SNAP91: variants seen among roughly 807,000 people sequenced by gnomAD.
SNAP91 encodes the protein clathrin coat assembly protein AP180.
A neutral mutation model predicts 100.3 loss-of-function variants in SNAP91; 27 were observed. The ratio of observed to expected loss-of-function variants is 0.27; its 90% CI spans 0.20 to 0.37. The LOEUF (loss-of-function observed/expected upper bound fraction) is 0.37, where lower values mean the gene tolerates loss of function less well. Among genes scored for constraint, SNAP91 ranks in the 10% least tolerant of loss-of-function variants. The probability of loss-of-function intolerance (pLI) is 1.00; values close to 1 mark genes in which losing one functional copy is unlikely to be tolerated. For synonymous variants in SNAP91, 404 were observed against 398.6 expected (o/e 1.01, Z -0.16); for missense variants, 986 against 1,123.7 (o/e 0.88, Z 1.75).
At chr6:83,605,091 A>AT (rs1445261064) in intron 14 of SNAP91, among the ~76,000 whole-genome samples, 15 of 152,146 alleles carry the variant, frequency 9.9e-5, no homozygotes, top group South Asian at 4.2e-4. Context: ...TAAAAGGCTG[A>AT]TTTTTTTCCT....
intron 26 of SNAP91, among the ~76,000 whole-genome samples, chr6:83,571,614 C>T (rs1807939861): frequency 6.6e-6 from 1 of 152,162 alleles, no homozygotes; most frequent in South Asian, 2.1e-4. Context: ...AACTAACTTG[C>T]TTTTGATTTT....
At chr6:83,697,670 G>A (rs935732276) in intron 2 of SNAP91, among the ~76,000 whole-genome samples, 3 of 152,084 alleles carry the variant, frequency 2.0e-5, no homozygotes, top group African/African-American at 7.2e-5. Context: ...TTATTTGTTT[G>A]TATTCCTCCA....
chr6:83,654,471 C>G (rs1427347749), intron 7 of SNAP91, among the ~76,000 whole-genome samples: 1 of 152,180 alleles, frequency 6.6e-6, no homozygotes, highest in Non-Finnish European at 1.5e-5. Flanking sequence ...AGGACACTGA[C>G]TCTAAGCTCA....
chr6:83,555,870 T>C (rs955726697), intron 29 of SNAP91, among the ~76,000 whole-genome samples: 15 of 152,304 alleles, frequency 9.8e-5, no homozygotes, highest in Admixed American at 7.8e-4. Flanking sequence ...ATTTACCAAG[T>C]AGCTTGGGCA....
intron 2 of SNAP91, chr6:83,686,097 G>T: frequency 1.1e-6 from 1 of 901,666 alleles, no homozygotes; most frequent in Non-Finnish European, 1.3e-6. Context: ...TTAAATGTTT[G>T]TTGTGAACCT....
intron 5 of SNAP91, among the ~76,000 whole-genome samples, chr6:83,659,884 C>G (rs2098503819): frequency 6.6e-6 from 1 of 152,008 alleles, no homozygotes; most frequent in Non-Finnish European, 1.5e-5. Flanking sequence ...GATAAGAACA[C>G]TTTTCCCAAA....
intron 9 of SNAP91, among the ~76,000 whole-genome samples, chr6:83,622,928 ACAAG>A (rs1201697754): frequency 1.3e-5 from 2 of 152,104 alleles, no homozygotes; most frequent in African/African-American, 4.8e-5. Flanking sequence ...AACTAGGAAG[ACAAG>A]CAGGAGGAAA....
chr6:83,654,892 A>G (rs1209029988), intron 7 of SNAP91, among the ~76,000 whole-genome samples: 1 of 152,190 alleles, frequency 6.6e-6, no homozygotes, highest in Non-Finnish European at 1.5e-5. Flanking sequence ...AGAACTAGGT[A>G]ATGATTTATC....
rs553653948 is a variant in SNAP91, at chr6:83,682,656, A to G, written c.131-17075T>C. 4.0e-3 allele frequency among the ~76,000 whole-genome samples: 607 copies of G among 152,084 alleles called. 3 individuals are homozygous for G. Among genetic ancestry groups the G allele is most frequent in the African/African-American group, 0.013 (549 of 41,486 alleles). On this transcript the variant is annotated intron_variant, in intron 2 of 29. Transcript: ENST00000369694. ...GTGCAGGTTAGTTACATATGTATACATGTGCCATGCTGGTGTGCTGCACCC... is the reference window on the plus strand; with the variant it reads ...GTGCAGGTTAGTTACATATGTATACGTGTGCCATGCTGGTGTGCTGCACCC...
At chr6:83,606,674 C>G (rs181980091) in intron 13 of SNAP91, among the ~76,000 whole-genome samples, 8 of 152,178 alleles carry the variant, frequency 5.3e-5, no homozygotes, top group Non-Finnish European at 1.0e-4. Flanking sequence ...CCTTCATAAA[C>G]AGCAGTTTCA....
At chr6:83,568,385 A>G (rs1562130853) in intron 26 of SNAP91, among the ~76,000 whole-genome samples, 1 of 152,082 alleles carries the variant, frequency 6.6e-6, no homozygotes, top group Non-Finnish European at 1.5e-5. Context: ...TAGGAGATAT[A>G]CCTAATGTAA....
intron 2 of SNAP91, among the ~76,000 whole-genome samples, chr6:83,698,535 G>A (rs2099251756): frequency 6.6e-6 from 1 of 151,832 alleles, no homozygotes; most frequent in African/African-American, 2.4e-5. Context: ...ATCCTCAAAG[G>A]GTTACTCCCT....
intron 24 of SNAP91, among the ~76,000 whole-genome samples, chr6:83,577,236 A>G (rs1173838358): frequency 3.9e-5 from 6 of 152,158 alleles, no homozygotes; most frequent in African/African-American, 1.4e-4. Flanking sequence ...TGCATAATCA[A>G]TGTATTAGAG....
chr6:83,583,197 C>T (rs776349788), intron 22 of SNAP91, among the ~76,000 whole-genome samples: 2 of 152,134 alleles, frequency 1.3e-5, no homozygotes, highest in Non-Finnish European at 2.9e-5. Context: ...CTGCACCCCA[C>T]CCACATCCCC....
At chr6:83,630,396 T>A (rs543673435) in intron 8 of SNAP91, among the ~76,000 whole-genome samples, 6 of 152,240 alleles carry the variant, frequency 3.9e-5, no homozygotes, top group African/African-American at 1.4e-4. Context: ...TCTTTCTCTA[T>A]CTTGCGGAAT....
At chr6:83,642,879 A>T (rs1224877652) in intron 7 of SNAP91, among the ~76,000 whole-genome samples, 1 of 152,202 alleles carries the variant, frequency 6.6e-6, no homozygotes, top group African/African-American at 2.4e-5. Context: ...AACGATCGCC[A>T]TTCTAACTGG....
Position 83,587,888 on chromosome 6 carries a change from G to A in SNAP91, c.2014+3323C>T, listed in dbSNP as rs112309946. Among the ~76,000 whole-genome samples the A allele has an allele frequency of 4.1e-3, 622 of 152,170 alleles. 4 individuals carry two copies. The highest frequency in any genetic ancestry group is 0.012 in the African/African-American group (488 of 41,506). On this transcript the variant is annotated intron_variant, in intron 22 of 29. Transcript: ENST00000369694. ...CTTATGCTTTGATACTTGAACAAGCGTGAGAAATATTTTTCTATAAGAAAA... is the reference window on the plus strand; with the variant it reads ...CTTATGCTTTGATACTTGAACAAGCATGAGAAATATTTTTCTATAAGAAAA...
rs1554353920 is a variant in SNAP91, at chr6:83,688,504, C to CTA, written c.130+19293_130+19294insTA. 7.6e-5 allele frequency among the ~76,000 whole-genome samples: 10 copies of CTA among 131,358 alleles called. No homozygotes were observed. In the East Asian group the frequency reaches 1.7e-3, roughly 22 times the overall value. 86.2% of individuals were successfully genotyped at this position (131,358 alleles called of 152,430 possible). ...TCCCTCAATACTCAGCCAAACATCA[C>CTA]TTTTTTTTTTTTTTTTTTGAGATTG... On this transcript the variant is annotated intron_variant, in intron 2 of 29. Transcript: ENST00000369694.
chr6:83,561,785 C>T (rs1251381275), intron 26 of SNAP91, among the ~76,000 whole-genome samples: 2 of 152,106 alleles, frequency 1.3e-5, no homozygotes, highest in African/African-American at 2.4e-5. Context: ...GCAGGAGAAT[C>T]ACTTGAGGCC....
Sources: gnomAD v4.1 joint callset for allele counts (sites outside exome capture counted in the v4.1 genomes callset) on GRCh38, gnomAD v4.1.1 for gene constraint, MANE v1.5 for transcripts, NCBI Gene and HGNC (gene_info 2026-07-23, HGNC 2026-07-21) for gene names.